Variants in RBFOX1 observed in about 807,000 individuals in gnomAD.
RBFOX1 encodes RNA binding protein fox-1 homolog 1.
In RBFOX1, 8 loss-of-function variants were observed where a neutral mutation model predicts 57.7. The ratio of observed to expected loss-of-function variants is 0.14; its 90% CI spans 0.08 to 0.25. RBFOX1 has a LOEUF of 0.25. RBFOX1 is among the 10% of genes least tolerant of loss of function. The pLI is 1.00. For missense variants in RBFOX1, 611 were observed against 548.5 expected, an observed-to-expected ratio of 1.11 and a Z score of -1.14; for synonymous variants, 326 against 222.4, an observed-to-expected ratio of 1.47 and a Z score of -4.15.
chr16:7,159,304 T>C (rs1376285692), intron 4 of RBFOX1, among the ~76,000 whole-genome samples: 3 of 152,150 alleles, frequency 2.0e-5, no homozygotes, highest in Non-Finnish European at 4.4e-5. Context: ...CCATTGTCAC[T>C]GCGTCATGCC....
intron 1 of RBFOX1, among the ~76,000 whole-genome samples, chr16:5,277,159 A>AC (rs2063161612): frequency 1.3e-5 from 2 of 152,184 alleles, no homozygotes; most frequent in Admixed American, 1.3e-4. Flanking sequence ...ATTCATAGCA[A>AC]CCTGGATGGA....
At chr16:5,963,232 A>G (rs1345074243) in intron 4 of RBFOX1, among the ~76,000 whole-genome samples, 1 of 152,182 alleles carries the variant, frequency 6.6e-6, no homozygotes, top group African/African-American at 2.4e-5. Flanking sequence ...AATAGCTTAA[A>G]CCAGCAAAGG....
intron 3 of RBFOX1, among the ~76,000 whole-genome samples, chr16:6,887,074 T>A (rs1322482549): frequency 3.3e-5 from 5 of 152,200 alleles, no homozygotes; most frequent in Non-Finnish European, 5.9e-5. Context: ...CAAGTTGGAT[T>A]TTCCCTGCAG....
intron 1 of RBFOX1, among the ~76,000 whole-genome samples, chr16:6,118,671 TCCTTCTTC>T (rs1381792347): frequency 1.3e-5 from 2 of 150,218 alleles, no homozygotes; most frequent in African/African-American, 4.9e-5. Flanking sequence ...CTTCCTTCCT[TCCTTCTTC>T]CTTCCTTCCT....
At chr16:7,089,077 A>C (rs530175825) in intron 4 of RBFOX1, among the ~76,000 whole-genome samples, 1 of 152,012 alleles carries the variant, frequency 6.6e-6, no homozygotes, top group Non-Finnish European at 1.5e-5. Context: ...TGTCATTTAC[A>C]CCCTTGCCCC....
At chr16:5,558,852 A>G (rs1453717377) in intron 2 of RBFOX1, among the ~76,000 whole-genome samples, 1 of 152,104 alleles carries the variant, frequency 6.6e-6, no homozygotes, top group Non-Finnish European at 1.5e-5. Context: ...GGAGTTCTCA[A>G]AGGTCCACGT....
At chr16:5,499,603 C>T (rs574689006) in intron 2 of RBFOX1, among the ~76,000 whole-genome samples, 2 of 151,482 alleles carry the variant, frequency 1.3e-5, no homozygotes, top group South Asian at 2.1e-4. Flanking sequence ...GGCTGAGTCT[C>T]GCTGTATCGT....
chr16:6,143,141 CA>C (rs2096731687), intron 1 of RBFOX1, among the ~76,000 whole-genome samples: 1 of 152,166 alleles, frequency 6.6e-6, no homozygotes, highest in Non-Finnish European at 1.5e-5. Context: ...ACACTTTGTC[CA>C]AAGATTTCCC....
chr16:6,549,528 A>AGGAGGAGGAGG (rs1215674828), intron 2 of RBFOX1, among the ~76,000 whole-genome samples: 1 of 52,166 alleles, frequency 1.9e-5, no homozygotes, highest in Non-Finnish European at 3.5e-5. Context: ...GAGAGGAGGG[A>AGGAGGAGGAGG]GGAGGAGGAG....
intron 1 of RBFOX1, among the ~76,000 whole-genome samples, chr16:5,291,758 G>C (rs1056633639): frequency 6.6e-6 from 1 of 152,158 alleles, no homozygotes; most frequent in Non-Finnish European, 1.5e-5. Flanking sequence ...GGTTTATGGT[G>C]GTGTCAGGAG....
Position 7,416,217 on chromosome 16 carries a change from CT to C in RBFOX1, c.28-101929del, listed in dbSNP as rs1391237787. 2.6e-5 allele frequency among the ~76,000 whole-genome samples: 4 copies of C among 152,208 alleles called. No homozygotes were observed. In the East Asian group the frequency reaches 7.7e-4, roughly 29 times the overall value. ...TGACAGATTCAATAAAAGGAAATCTCTGTGCCAAGGAAACAGATATTATTTC... is the reference window on the plus strand; with the variant it reads ...TGACAGATTCAATAAAAGGAAATCTCGTGCCAAGGAAACAGATATTATTTC... On this transcript the variant is annotated intron_variant, in intron 4 of 15. Coordinates refer to ENST00000550418, the MANE Select transcript of RBFOX1 (RefSeq NM_018723.4).
intron 10 of RBFOX1, among the ~76,000 whole-genome samples, chr16:7,613,473 C>G (rs2057911881): frequency 6.6e-6 from 1 of 152,118 alleles, no homozygotes; most frequent in Non-Finnish European, 1.5e-5. Flanking sequence ...TCAGAAAGAA[C>G]CTGGCCACGG....
chr16:6,620,080 G>A (rs1419316265), intron 2 of RBFOX1, among the ~76,000 whole-genome samples: 1 of 152,112 alleles, frequency 6.6e-6, no homozygotes, highest in African/African-American at 2.4e-5. Flanking sequence ...TGGTGCATAT[G>A]GACCACATTT....
At chr16:6,968,012 G>A (rs1296475276) in intron 3 of RBFOX1, among the ~76,000 whole-genome samples, 1 of 152,170 alleles carries the variant, frequency 6.6e-6, no homozygotes, top group Non-Finnish European at 1.5e-5. Context: ...TGCTGCCTCT[G>A]CTCTTGTAAG....
chr16:7,086,023 C>T (rs577667127), intron 4 of RBFOX1, among the ~76,000 whole-genome samples: 1 of 152,108 alleles, frequency 6.6e-6, no homozygotes, highest in Non-Finnish European at 1.5e-5. Context: ...ATTTTCTTAC[C>T]TCTCTGAGAT....
chr16:5,758,239 T>G (rs1295732197), intron 3 of RBFOX1, among the ~76,000 whole-genome samples: 1 of 152,204 alleles, frequency 6.6e-6, no homozygotes, highest in Non-Finnish European at 1.5e-5. Flanking sequence ...ATTCTTCACT[T>G]TCTTCATGGG....
At chr16:7,042,939 TAAATA>T (rs2046658291) in intron 3 of RBFOX1, among the ~76,000 whole-genome samples, 2 of 152,118 alleles carry the variant, frequency 1.3e-5, no homozygotes. Context: ...AATAAATAAA[TAAATA>T]AAGTGATTAA....
chr16:5,400,285 A>G (rs998227879), intron 1 of RBFOX1, among the ~76,000 whole-genome samples: 4 of 150,594 alleles, frequency 2.7e-5, no homozygotes, highest in African/African-American at 9.8e-5. Flanking sequence ...TAGAGATGGG[A>G]TTTCAGCATG....
At chr16:5,795,693 C>A (rs1026722326) in intron 3 of RBFOX1, among the ~76,000 whole-genome samples, 1 of 152,190 alleles carries the variant, frequency 6.6e-6, no homozygotes, top group Non-Finnish European at 1.5e-5. Context: ...CTTCAAGAAG[C>A]CTTCTCTGGC....
Sources: allele counts gnomAD v4.1 joint callset (sites outside exome capture counted in the v4.1 genomes callset), GRCh38; gene constraint gnomAD v4.1.1; transcripts MANE v1.5; gene names NCBI Gene and HGNC (gene_info 2026-07-23, HGNC 2026-07-21).